Variants in FRMD4A observed in about 807,000 individuals in gnomAD.
FRMD4A encodes the protein FERM domain containing 4A.
A neutral mutation model predicts 129.1 loss-of-function variants in FRMD4A; 29 were observed. That is an observed-to-expected ratio of 0.22 (90% CI 0.17 to 0.31). The LOEUF (loss-of-function observed/expected upper bound fraction) is 0.31. FRMD4A is among the 10% of genes least tolerant of loss of function. The pLI is 1.00. For missense variants in FRMD4A, 1,272 were observed against 1,375.8 expected, an observed-to-expected ratio of 0.92 and a Z score of 1.19; for synonymous variants, 634 against 571.6, an observed-to-expected ratio of 1.11 and a Z score of -1.56.
At chr10:13,929,151 A>G (rs2095167217) in intron 2 of FRMD4A, among the ~76,000 whole-genome samples, 2 of 152,116 alleles carry the variant, frequency 1.3e-5, no homozygotes, top group South Asian at 4.1e-4. Flanking sequence ...GGAGTTTTTT[A>G]TTTTTAAATT....
intron 2 of FRMD4A, among the ~76,000 whole-genome samples, chr10:14,088,299 T>C (rs1836416018): frequency 6.6e-6 from 1 of 151,722 alleles, no homozygotes; most frequent in South Asian, 2.1e-4. Flanking sequence ...AAACGACATT[T>C]AGCGGGCTGT....
At position 14,048,895 on chromosome 10, in the gene FRMD4A, TAGA is replaced by T. The variant is rs1565211170; in HGVS notation, c.46-189986_46-189984del. On this transcript the variant is annotated intron_variant, in intron 2 of 24. Transcript: ENST00000357447. Reference sequence around the variant, plus strand: ...TAGAATAGAATAGAATAGAATAGAATAGAATAGAAAATAAAATGAAATATGGTG... The same window carrying T: ...TAGAATAGAATAGAATAGAATAGAATATAGAAAATAAAATGAAATATGGTG... 8.4e-4 allele frequency among the ~76,000 whole-genome samples: 71 copies of T among 84,038 alleles called. 2 individuals are homozygous for T. The highest frequency in any genetic ancestry group is 2.9e-3 in the African/African-American group (58 of 19,936). 55.1% of individuals were successfully genotyped at this position (84,038 alleles called of 152,430 possible).
chr10:13,779,047 G>A (rs988081059), intron 6 of FRMD4A, among the ~76,000 whole-genome samples: 13 of 152,068 alleles, frequency 8.5e-5, no homozygotes, highest in African/African-American at 2.4e-4. Context: ...GGCTGGGTGT[G>A]GTGGCTCATG....
chr10:14,287,263 A>G (rs945659132), intron 2 of FRMD4A, among the ~76,000 whole-genome samples: 24 of 152,190 alleles, frequency 1.6e-4, no homozygotes, highest in Admixed American at 6.5e-5. Flanking sequence ...GTACAATTGC[A>G]TAAAGAAACT....
chr10:13,835,969 G>A lies in FRMD4A; in HGVS notation c.111+22878C>T, dbSNP rs547478136. 6.6e-5 allele frequency among the ~76,000 whole-genome samples: 10 copies of A among 152,180 alleles called. No individual in the cohort carries two copies. The South Asian group carries it at 2.1e-3, about 32-fold the overall frequency. ...TAAGTATTTAGAGAGTGTCTACTAT[G>A]AGCCTGGCACTAAACACTTCAGCAG... On this transcript the variant is annotated intron_variant, in intron 3 of 24. Coordinates refer to ENST00000357447, the MANE Select transcript of FRMD4A (RefSeq NM_018027.5).
chr10:14,270,013 C>A (rs910262997), intron 2 of FRMD4A, among the ~76,000 whole-genome samples: 1 of 152,138 alleles, frequency 6.6e-6, no homozygotes, highest in Non-Finnish European at 1.5e-5. Context: ...CCTGGAGCTG[C>A]GGCACCCATC....
In FRMD4A at chr10:14,309,836, A is replaced by G. The variant is rs180929668; in HGVS notation, c.45+20222T>C. On this transcript the variant is annotated intron_variant, in intron 2 of 24. Transcript: ENST00000357447. ...ACTCCCTGCTCAAGAATCTGTGGTG[A>G]ATCCTCGTTTCCTTCCTATTTCAAA... Among the ~76,000 whole-genome samples the G allele has an allele frequency of 3.3e-5, 5 of 152,242 alleles. No homozygotes were observed. In the East Asian group the frequency reaches 5.8e-4, roughly 18 times the overall value.
At chr10:13,946,519 A>C (rs1016793971) in intron 2 of FRMD4A, among the ~76,000 whole-genome samples, 1 of 151,614 alleles carries the variant, frequency 6.6e-6, no homozygotes, top group African/African-American at 2.4e-5. Context: ...AACACATCCC[A>C]CTCCCTTGGG....
intron 8 of FRMD4A, among the ~76,000 whole-genome samples, chr10:13,754,355 T>C (rs769637589): frequency 6.6e-6 from 1 of 152,124 alleles, no homozygotes; most frequent in Non-Finnish European, 1.5e-5. Flanking sequence ...AATTACACAC[T>C]TGAAAGCTCC....
In FRMD4A at chr10:13,701,483, G is replaced by C. The variant is rs750749229; in HGVS notation, c.837-5C>G. 3 of 1,611,492 alleles carry C rather than the reference G, an allele frequency of 1.9e-6. No homozygotes were observed. In the African/African-American group the frequency reaches 4.0e-5, roughly 22 times the overall value. On this transcript the variant is annotated splice_polypyrimidine_tract_variant and splice_region_variant and intron_variant, in intron 13 of 24. Coordinates refer to ENST00000357447, the MANE Select transcript of FRMD4A (RefSeq NM_018027.5). ...GTCCTCCTTGTCACTGAAGCCCTGG[G>C]GAAGCAAGAATCACAAGGTTCAATC...
chr10:13,772,326 A>T (rs2092482364), intron 6 of FRMD4A, among the ~76,000 whole-genome samples: 1 of 151,668 alleles, frequency 6.6e-6, no homozygotes, highest in Admixed American at 6.6e-5. Context: ...ACCAGAATAG[A>T]TGCCCCTTTA....
chr10:14,264,828 C>T (rs948380598), intron 2 of FRMD4A, among the ~76,000 whole-genome samples: 10 of 152,108 alleles, frequency 6.6e-5, no homozygotes, highest in African/African-American at 2.4e-4. Flanking sequence ...GTTGCCCAGG[C>T]TGGAGTGCAG....
intron 16 of FRMD4A, among the ~76,000 whole-genome samples, chr10:13,671,509 G>A (rs1056945141): frequency 3.3e-5 from 5 of 152,116 alleles, no homozygotes; most frequent in African/African-American, 1.2e-4. Context: ...TTATTGACAA[G>A]GCTACTAAAA....
At chr10:13,845,231 A>G (rs2094026254) in intron 3 of FRMD4A, among the ~76,000 whole-genome samples, 1 of 152,180 alleles carries the variant, frequency 6.6e-6, no homozygotes. Context: ...ACATGTGCAT[A>G]TATATTCTGC....
chr10:14,107,176 G>A (rs574041565), intron 2 of FRMD4A, among the ~76,000 whole-genome samples: 1 of 152,254 alleles, frequency 6.6e-6, no homozygotes, highest in African/African-American at 2.4e-5. Flanking sequence ...AAAGATGGGA[G>A]CAATAGATAC....
intron 2 of FRMD4A, among the ~76,000 whole-genome samples, chr10:14,287,709 G>A (rs941906963): frequency 2.0e-4 from 30 of 152,064 alleles, no homozygotes; most frequent in Non-Finnish European, 3.5e-4. Context: ...ACATCAAAAA[G>A]AATACTTAGA....
At chr10:14,101,698 G>A (rs985281115) in intron 2 of FRMD4A, among the ~76,000 whole-genome samples, 3 of 152,032 alleles carry the variant, frequency 2.0e-5, no homozygotes, top group Admixed American at 1.3e-4. Flanking sequence ...ATGCTGGTGA[G>A]CTTCTACCTT....
chr10:14,125,111 A>T (rs546422089), intron 2 of FRMD4A, among the ~76,000 whole-genome samples: 1 of 152,184 alleles, frequency 6.6e-6, no homozygotes, highest in African/African-American at 2.4e-5. Context: ...AATGCAGCAG[A>T]AGTAATCAAG....
chr10:14,287,808 C>G (rs527516284), intron 2 of FRMD4A, among the ~76,000 whole-genome samples: 8 of 152,132 alleles, frequency 5.3e-5, no homozygotes, highest in Non-Finnish European at 8.8e-5. Context: ...GTTCTTGAGG[C>G]CTTTTTTGCA....
Sources: allele counts gnomAD v4.1 joint callset (sites outside exome capture counted in the v4.1 genomes callset), GRCh38; gene constraint gnomAD v4.1.1; transcripts MANE v1.5; gene names NCBI Gene and HGNC (gene_info 2026-07-23, HGNC 2026-07-21).